The following CADM2 variants were observed in gnomAD, a reference collection of about 807,000 sequenced individuals.
The protein encoded by CADM2 is immunoglobulin superfamily member 4D.
CADM2 carries 12 observed loss-of-function variants against 49.8 expected under a neutral mutation model. The ratio of observed to expected loss-of-function variants is 0.24; its 90% CI spans 0.15 to 0.39. The LOEUF (loss-of-function observed/expected upper bound fraction) is 0.39. CADM2 is among the 10% of genes least tolerant of loss of function. The pLI is 1.00. For synonymous variants in CADM2, 214 were observed against 175.4 expected (o/e 1.22, Z -1.74); for missense variants, 378 against 492.3 (o/e 0.77, Z 2.20).
rs569046345 is a variant in CADM2, at chr3:85,866,523, G to A, written c.239-16768G>A. Among the ~76,000 whole-genome samples the A allele has an allele frequency of 5.9e-5, 9 of 151,886 alleles. No individual in the cohort carries two copies. The East Asian group carries it at 1.7e-3, about 29-fold the overall frequency. On this transcript the variant is annotated intron_variant, in intron 3 of 9. Transcript: ENST00000383699. ...TATTCACTTGTTTTCATGTTGTTTT[G>A]CAATTATCACCTACGTATTTTATAT... is the stretch of plus-strand genomic sequence containing the variant.
intron 5 of CADM2, among the ~76,000 whole-genome samples, chr3:85,909,088 T>A (rs928272111): frequency 6.6e-6 from 1 of 152,070 alleles, no homozygotes; most frequent in African/African-American, 2.4e-5. Flanking sequence ...ACTGTAAAAT[T>A]TTTACACAAA....
chr3:85,860,432 GATGGGAATTTCA>G (rs1241798895), intron 3 of CADM2, among the ~76,000 whole-genome samples: 12 of 152,128 alleles, frequency 7.9e-5, no homozygotes, highest in South Asian at 2.1e-4. Context: ...AAGGTAATTT[GATGGGAATTTCA>G]ATACTAAATT....
intron 1 of CADM2, among the ~76,000 whole-genome samples, chr3:85,251,664 G>A (rs1042366345): frequency 1.8e-4 from 28 of 151,878 alleles, no homozygotes; most frequent in African/African-American, 6.3e-4. Context: ...TTGTAGAAAT[G>A]TGAAAACAAA....
chr3:85,303,597 G>T (rs1381199860), intron 1 of CADM2, among the ~76,000 whole-genome samples: 1 of 151,842 alleles, frequency 6.6e-6, no homozygotes, highest in Non-Finnish European at 1.5e-5. Context: ...CTTTCTGCCT[G>T]TAAACTTCAG....
intron 2 of CADM2, among the ~76,000 whole-genome samples, chr3:85,768,433 G>A (rs190877898): frequency 1.5e-3 from 230 of 150,332 alleles, no homozygotes; most frequent in African/African-American, 5.2e-3. Context: ...GCTACAGTGC[G>A]AGACTCCATC....
chr3:85,876,559 T>A (rs1711870608), intron 3 of CADM2, among the ~76,000 whole-genome samples: 1 of 152,206 alleles, frequency 6.6e-6, no homozygotes, highest in African/African-American at 2.4e-5. Context: ...TAATGTTCTC[T>A]TAAAAGTGAC....
chr3:85,817,562 A>C (rs2073289161), intron 3 of CADM2, among the ~76,000 whole-genome samples: 1 of 152,158 alleles, frequency 6.6e-6, no homozygotes, highest in Non-Finnish European at 1.5e-5. Flanking sequence ...TTTCTTTGCA[A>C]CTTAAAATCT....
intron 1 of CADM2, among the ~76,000 whole-genome samples, chr3:85,489,311 T>G (rs1479294691): frequency 6.6e-6 from 1 of 152,138 alleles, no homozygotes. Context: ...ATGGAGAAAA[T>G]GGAATTCCTA....
chr3:85,910,488 C>G (rs1343055553), intron 5 of CADM2, among the ~76,000 whole-genome samples: 1 of 151,938 alleles, frequency 6.6e-6, no homozygotes, highest in Non-Finnish European at 1.5e-5. Flanking sequence ...GTCATAGAGT[C>G]TTTAATATTT....
intron 8 of CADM2, among the ~76,000 whole-genome samples, chr3:86,005,370 G>T (rs1730656210): frequency 6.6e-6 from 1 of 152,052 alleles, no homozygotes; most frequent in South Asian, 2.1e-4. Flanking sequence ...GGCCAAAATG[G>T]TGAAACCCCA....
intron 3 of CADM2, among the ~76,000 whole-genome samples, chr3:85,829,911 A>C (rs1386731119): frequency 6.6e-6 from 1 of 151,948 alleles, no homozygotes; most frequent in Non-Finnish European, 1.5e-5. Context: ...TTATCCATTT[A>C]TCCATTGGTG....
At chr3:85,349,226 G>GTTTATTAAGT (rs1388155456) in intron 1 of CADM2, among the ~76,000 whole-genome samples, 2 of 152,146 alleles carry the variant, frequency 1.3e-5, no homozygotes, top group Non-Finnish European at 2.9e-5. Context: ...GTTTATTAAG[G>GTTTATTAAGT]TTTAACGTTC....
chr3:84,981,234 T>C (rs959653289), intron 1 of CADM2, among the ~76,000 whole-genome samples: 2 of 150,934 alleles, frequency 1.3e-5, no homozygotes, highest in Non-Finnish European at 1.5e-5. Context: ...GGTGTTTGGT[T>C]TTTTGTTCTT....
intron 8 of CADM2, among the ~76,000 whole-genome samples, chr3:85,977,752 A>G (rs77586621): frequency 1.3e-5 from 2 of 151,716 alleles, no homozygotes; most frequent in African/African-American, 4.8e-5. Context: ...CATTTTCCCT[A>G]GTGATTAATG....
At chr3:85,693,285 A>G (rs2066441431) in intron 1 of CADM2, among the ~76,000 whole-genome samples, 1 of 151,776 alleles carries the variant, frequency 6.6e-6, no homozygotes, top group South Asian at 2.1e-4. Flanking sequence ...AGGAATGAAG[A>G]AAGAAAGAAA....
intron 8 of CADM2, among the ~76,000 whole-genome samples, chr3:85,974,962 A>G (rs532969023): frequency 6.6e-6 from 1 of 151,748 alleles, no homozygotes; most frequent in Admixed American, 6.6e-5. Flanking sequence ...ATATTTTCAT[A>G]TCTTGGAATC....
intron 2 of CADM2, among the ~76,000 whole-genome samples, chr3:85,739,466 T>G (rs1037631755): frequency 6.6e-6 from 1 of 152,104 alleles, no homozygotes; most frequent in African/African-American, 2.4e-5. Context: ...TTAGCTCTAT[T>G]GATATTTGTA....
At chr3:86,036,598 C>T (rs1343025019) in intron 8 of CADM2, among the ~76,000 whole-genome samples, 2 of 152,098 alleles carry the variant, frequency 1.3e-5, no homozygotes, top group Non-Finnish European at 2.9e-5. Flanking sequence ...TTTGGCATGG[C>T]TAAAGTTGAT....
At chr3:85,645,888 T>C (rs771870772) in intron 1 of CADM2, among the ~76,000 whole-genome samples, 4 of 152,018 alleles carry the variant, frequency 2.6e-5, no homozygotes, top group African/African-American at 4.8e-5. Flanking sequence ...AGAAAAATAA[T>C]TCTCAAAGTG....
Sources: gnomAD v4.1 joint callset for allele counts (sites outside exome capture counted in the v4.1 genomes callset) on GRCh38, gnomAD v4.1.1 for gene constraint, MANE v1.5 for transcripts, NCBI Gene and HGNC (gene_info 2026-07-23, HGNC 2026-07-21) for gene names.